Variants in KDM3B observed in about 807,000 individuals in gnomAD.
The protein encoded by KDM3B is lysine demethylase 3B.
Under a neutral mutation model 170.0 loss-of-function variants are expected in KDM3B, and 10 were observed. The ratio of observed to expected loss-of-function variants is 0.06; its 90% CI spans 0.04 to 0.10. The LOEUF (loss-of-function observed/expected upper bound fraction) is 0.10. Ranked by LOEUF, KDM3B falls within the 10% of genes least tolerant of loss-of-function variation. The pLI, the probability that KDM3B is intolerant of heterozygous loss-of-function variation, is 1.00. For synonymous variants in KDM3B, 831 were observed against 834.8 expected (o/e 1.00, Z 0.08); for missense variants, 1,394 against 2,195.2 (o/e 0.64, Z 7.29).
chr5:138,431,682 T>C, intron 23 of KDM3B, 123 bp downstream of exon 23: 4 of 902,556 alleles, frequency 4.4e-6, no homozygotes, highest in Non-Finnish European at 6.2e-6. Flanking sequence ...GGAGAAATGA[T>C]GCAGGGAAGA....
chr5:138,365,307 C>T (rs55946397), intron 1 of KDM3B, among the ~76,000 whole-genome samples: 2,386 of 152,182 alleles, frequency 0.016, 41 homozygotes, highest in Non-Finnish European at 0.022. Flanking sequence ...GTCTCCCAGC[C>T]TGGAGTACGA....
At chr5:138,426,893 A>T in intron 17 of KDM3B, 82 bp from the exon 18 acceptor site, 9 of 879,622 alleles carry the variant, frequency 1.0e-5, no homozygotes, top group African/African-American at 1.7e-5. Flanking sequence ...AAAAAAAGAG[A>T]TTAGTCTCCC....
intron 22 of KDM3B, among the ~76,000 whole-genome samples, chr5:138,431,183 C>G (rs561290649): frequency 2.5e-3 from 374 of 151,956 alleles, no homozygotes; most frequent in Non-Finnish European, 3.7e-3. Flanking sequence ...GTCTTGAACT[C>G]CTGAGCTCAA....
intron 9 of KDM3B, chr5:138,397,921 T>C (rs1762587507): frequency 3.2e-6 from 1 of 311,260 alleles, no homozygotes; most frequent in Non-Finnish European, 5.9e-6. Flanking sequence ...TTCAGCAGTA[T>C]GGGTGCAGGT....
At chr5:138,393,954 A>G (rs1296469987) in intron 9 of KDM3B, among the ~76,000 whole-genome samples, 8 of 152,130 alleles carry the variant, frequency 5.3e-5, no homozygotes, top group Non-Finnish European at 2.9e-5. Flanking sequence ...ATGGTTTACC[A>G]ATATGGTGTG....
chr5:138,416,316 A>C (rs1308850885), intron 12 of KDM3B, among the ~76,000 whole-genome samples: 1 of 151,026 alleles, frequency 6.6e-6, no homozygotes, highest in African/African-American at 2.4e-5. Flanking sequence ...CAGGCCAGGC[A>C]TGGTGGCTCA....
At chr5:138,376,602 G>A (rs1024748027) in intron 3 of KDM3B, among the ~76,000 whole-genome samples, 1 of 151,926 alleles carries the variant, frequency 6.6e-6, no homozygotes, top group Non-Finnish European at 1.5e-5. Context: ...TACTCGGGAG[G>A]CTGAGGCAGG....
chr5:138,395,490 C>T (rs993503737), intron 9 of KDM3B, among the ~76,000 whole-genome samples: 3 of 152,132 alleles, frequency 2.0e-5, no homozygotes, highest in Non-Finnish European at 2.9e-5. Flanking sequence ...TGAATGGGGG[C>T]GGTAGCTCAC....
At chr5:138,405,521 A>G (rs1260305711) in intron 11 of KDM3B, among the ~76,000 whole-genome samples, 3 of 152,108 alleles carry the variant, frequency 2.0e-5, no homozygotes, top group Non-Finnish European at 4.4e-5. Flanking sequence ...AGAAAAAAAA[A>G]ACGAGTGACC....
chr5:138,426,931 A>C (rs1168610777), intron 17 of KDM3B, 44 bp from the exon 18 acceptor site: 2 of 1,470,908 alleles, frequency 1.4e-6, no homozygotes, highest in East Asian at 2.3e-5. Context: ...ATCGGACACC[A>C]GCCAAACCAG....
At chr5:138,357,991 ATTAT>A (rs762732856) in intron 1 of KDM3B, among the ~76,000 whole-genome samples, 17 of 144,010 alleles carry the variant, frequency 1.2e-4, no homozygotes, top group Admixed American at 7.7e-4. Flanking sequence ...CTGGCATGGA[ATTAT>A]TTATTTATTT....
Position 138,377,770 on chromosome 5 carries a change from A to G in KDM3B, c.525A>G (p.Arg175=). 6.2e-7 allele frequency: 1 copy of G among 1,614,114 alleles called. No homozygotes were observed. Among genetic ancestry groups the G allele is most frequent in the Non-Finnish European group, 8.5e-7 (1 of 1,179,994 alleles). The part of the protein sequence containing the change: ...NQILLEHAAL[R]ETVNALISDQ... ...TTCTTTTGGAACATGCTGCACTGAG[A>G]GAAACAGTTAATGCTTTGATCAGTG... The change falls in exon 4 of 24, where the codon AGA becomes AGG. Residue 175 remains arginine, a synonymous_variant. Coordinates refer to ENST00000314358, the MANE Select transcript of KDM3B (RefSeq NM_016604.4).
intron 9 of KDM3B, among the ~76,000 whole-genome samples, chr5:138,397,241 G>C (rs569358632): frequency 3.9e-5 from 6 of 151,972 alleles, no homozygotes; most frequent in Admixed American, 2.6e-4. Flanking sequence ...AGGCTGAGGC[G>C]GGAGAATGGC....
At chr5:138,372,892 A>G (rs756939115) in intron 2 of KDM3B, 51 bp downstream of exon 2, 4 of 1,514,368 alleles carry the variant, frequency 2.6e-6, no homozygotes, top group South Asian at 1.2e-5. Context: ...CTCCTATAAT[A>G]TAACTATGAC....
chr5:138,363,022 A>G (rs1761654119), intron 1 of KDM3B, among the ~76,000 whole-genome samples: 1 of 151,784 alleles, frequency 6.6e-6, no homozygotes, highest in East Asian at 1.9e-4. Flanking sequence ...CCTTGTTGTG[A>G]TGCCCCTTAC....
At chr5:138,400,279 G>C (rs1019622388) in intron 11 of KDM3B, among the ~76,000 whole-genome samples, 1 of 151,800 alleles carries the variant, frequency 6.6e-6, no homozygotes, top group Non-Finnish European at 1.5e-5. Flanking sequence ...CTGTTGCCCA[G>C]GTTGGAGCGC....
Position 138,431,574 on chromosome 5 carries a change from C to T in KDM3B, c.5205+15C>T. ...ATAAACTGCAGGTAAATAACTCCTC[C>T]CTCTACCCCACTCTGTCTTCTCATT... is the stretch of plus-strand genomic sequence containing the variant. On this transcript the variant is annotated intron_variant, in intron 23 of 23. Transcript: ENST00000314358. 1 of 1,591,230 alleles carries T rather than the reference C, an allele frequency of 6.3e-7. No homozygotes were observed. Among genetic ancestry groups the T allele is most frequent in the Non-Finnish European group, 8.5e-7 (1 of 1,170,302 alleles).
rs1763399740 is a variant in KDM3B at position 138,426,582 on chromosome 5, A to G, written c.4412-393A>G. ...AGAGCGAGACTCCATCTCAAAAAAA[A>G]AAAAAAAAAAAAAGATTAGTCTCCT... On this transcript the variant is annotated intron_variant, in intron 17 of 23. Transcript: ENST00000314358. Among the ~76,000 whole-genome samples the G allele has an allele frequency of 3.3e-5, 5 of 150,392 alleles. No individual in the cohort carries two copies. In the South Asian group the frequency reaches 1.1e-3, roughly 32 times the overall value.
intron 11 of KDM3B, among the ~76,000 whole-genome samples, chr5:138,412,432 T>G (rs537504818): frequency 6.6e-6 from 1 of 151,882 alleles, no homozygotes; most frequent in African/African-American, 2.4e-5. Context: ...GGCAGTGGGA[T>G]TGCTTGAGCC....
Sources: gnomAD v4.1 joint callset for allele counts (sites outside exome capture counted in the v4.1 genomes callset) on GRCh38, gnomAD v4.1.1 for gene constraint, MANE v1.5 for transcripts, NCBI Gene and HGNC (gene_info 2026-07-23, HGNC 2026-07-21) for gene names.